VEZT: variants seen among roughly 807,000 people sequenced by gnomAD.
VEZT encodes the protein vezatin, adherens junctions transmembrane protein, also known as vezatin.
VEZT carries 39 observed loss-of-function variants against 79.9 expected under a neutral mutation model. The observed-to-expected ratio is 0.49, with a 90% CI of 0.38 to 0.64. The LOEUF (loss-of-function observed/expected upper bound fraction) is 0.64. Among genes scored for constraint, VEZT ranks in the 30% least tolerant of loss-of-function variants. The probability of loss-of-function intolerance (pLI) is 0.00; values close to 1 mark genes in which losing one functional copy is unlikely to be tolerated. For synonymous variants in VEZT, 325 were observed against 327.6 expected (o/e 0.99, Z 0.09); for missense variants, 837 against 893.1 (o/e 0.94, Z 0.80).
chr12:95,242,520 A>G (rs2061159592), intron 1 of VEZT, among the ~76,000 whole-genome samples: 1 of 152,106 alleles, frequency 6.6e-6, no homozygotes, highest in South Asian at 2.1e-4. Flanking sequence ...TACGGCCTCA[A>G]ACTCCTGGGC....
intron 9 of VEZT, among the ~76,000 whole-genome samples, chr12:95,289,310 G>T (rs975315788): frequency 2.7e-5 from 4 of 148,004 alleles, no homozygotes; most frequent in African/African-American, 9.9e-5. Flanking sequence ...ACAGCTACTC[G>T]GGAGGCTGAG....
chr12:95,282,519 C>T lies in VEZT; in HGVS notation c.1203C>T (p.Tyr401=), dbSNP rs1393881380. 6.2e-7 allele frequency: 1 copy of T among 1,614,004 alleles called. No homozygotes were observed. The highest frequency in any genetic ancestry group is 1.7e-5 in the Admixed American group (1 of 60,026). The stretch of plus-strand genomic sequence containing the variant: ...AGCGCAGCTATGAGTTCTATCGGTA[C>T]TTTGAAACTCAGCACCAGTCAGTAC... The part of the protein sequence containing the change: ...ELKRSYEFYR[Y]FETQHQSVPQ... The change falls in exon 8 of 12, where the codon TAC becomes TAT. Residue 401 remains tyrosine, a synonymous_variant. Transcript: ENST00000436874.
chr12:95,287,792 A>G lies in VEZT; in HGVS notation c.1457A>G (p.Asn486Ser). 3.7e-6 allele frequency: 6 copies of G among 1,608,732 alleles called. No homozygotes were observed. The highest frequency in any genetic ancestry group is 5.1e-6 in the Non-Finnish European group (6 of 1,177,308). ...ATTCAGCCCCACGTTCAAGCAAGCA[A>G]CAATTGCTGGGAAGAGGCCATTTCT... ...KLIQPHVQASNNCWEEAISQV... is the reference protein window; with the variant it reads ...KLIQPHVQASSNCWEEAISQV... The change falls in exon 9 of 12, where the codon AAC becomes AGC. Residue 486 changes from asparagine to serine, a missense_variant. By Grantham distance (46) the Asn-to-Ser change is conservative (BLOSUM62 1). Transcript: ENST00000436874.
intron 4 of VEZT, chr12:95,263,921 C>T (rs1426271984): frequency 1.3e-5 from 2 of 151,658 alleles, no homozygotes; most frequent in Non-Finnish European, 2.9e-5. Context: ...AGCAGAAGTC[C>T]CAAGCAATAA....
Position 95,274,897 on chromosome 12 carries a change from A to G in VEZT, c.996+8A>G, listed in dbSNP as rs1393629004. 2 of 1,611,498 alleles carry G rather than the reference A, an allele frequency of 1.2e-6. No individual in the cohort carries two copies. The highest frequency in any genetic ancestry group is 1.3e-5 in the African/African-American group (1 of 74,912). Reference sequence around the variant, plus strand: ...AGCCTGCCTGCATTGAAGGTAATCCATTTGTGTAAGGGAAGGGCTGAAGAA... The same window carrying G: ...AGCCTGCCTGCATTGAAGGTAATCCGTTTGTGTAAGGGAAGGGCTGAAGAA... On this transcript the variant is annotated splice_region_variant and intron_variant, in intron 7 of 11. Coordinates refer to ENST00000436874, the MANE Select transcript of VEZT (RefSeq NM_017599.4).
intron 3 of VEZT, chr12:95,258,369 C>T (rs1462765383): frequency 4.6e-6 from 2 of 434,306 alleles, no homozygotes; most frequent in African/African-American, 2.0e-5. Context: ...TTCTGTGTCA[C>T]TGGCCACATG....
Position 95,273,240 on chromosome 12 carries a change from G to GA in VEZT, c.849-1493dup, listed in dbSNP as rs202064759. The stretch of plus-strand genomic sequence containing the variant: ...TGTGGATCTCCAAGTTATATTAAGT[G>GA]AAAAAAAAACACAAAGTGCACGGAT... On this transcript the variant is annotated intron_variant, in intron 6 of 11. Coordinates refer to ENST00000436874, the MANE Select transcript of VEZT (RefSeq NM_017599.4). Among the ~76,000 whole-genome samples the GA allele has an allele frequency of 1.6e-3, 236 of 149,560 alleles. 2 individuals carry two copies. Among genetic ancestry groups the GA allele is most frequent in the South Asian group, 5.7e-3 (27 of 4,716 alleles).
At chr12:95,291,226 G>A (rs150323828) in intron 9 of VEZT, among the ~76,000 whole-genome samples, 64 of 152,260 alleles carry the variant, frequency 4.2e-4, no homozygotes, top group Non-Finnish European at 6.5e-4. Context: ...GTGAGACCCT[G>A]TCTCAAAAAT....
intron 1 of VEZT, among the ~76,000 whole-genome samples, chr12:95,218,915 G>A (rs1041796066): frequency 6.6e-6 from 1 of 152,222 alleles, no homozygotes; most frequent in Non-Finnish European, 1.5e-5. Context: ...CCAAGCTTGG[G>A]AAGTGTGAAA....
At chr12:95,233,402 A>G (rs73225646) in intron 1 of VEZT, among the ~76,000 whole-genome samples, 16,585 of 151,544 alleles carry the variant, frequency 0.11, 1,232 homozygotes, top group Admixed American at 0.21. Flanking sequence ...TTTTATTTTT[A>G]TTTTTTATGT....
chr12:95,266,014 G>C (rs971972345), intron 4 of VEZT, among the ~76,000 whole-genome samples: 1 of 152,140 alleles, frequency 6.6e-6, no homozygotes, highest in Non-Finnish European at 1.5e-5. Flanking sequence ...AAATGTAGAG[G>C]CCTTTTGTTG....
chr12:95,242,157 T>C (rs780575116), intron 1 of VEZT: 11 of 152,158 alleles, frequency 7.2e-5, no homozygotes, highest in Non-Finnish European at 1.3e-4. Flanking sequence ...GTATTCTCTT[T>C]CAATAGACAT....
chr12:95,268,835 T>G (rs1271531676), intron 5 of VEZT, among the ~76,000 whole-genome samples: 1 of 152,206 alleles, frequency 6.6e-6, no homozygotes, highest in East Asian at 1.9e-4. Flanking sequence ...ATTTTCAAAA[T>G]TAGACAGTTT....
intron 9 of VEZT, chr12:95,293,839 A>G (rs1566324975): frequency 6.5e-6 from 1 of 154,678 alleles, no homozygotes; most frequent in Non-Finnish European, 1.4e-5. Flanking sequence ...TATAAATACA[A>G]AGTTATTAGA....
chr12:95,218,622 G>T (rs2057085322), intron 1 of VEZT: 1 of 152,170 alleles, frequency 6.6e-6, no homozygotes, highest in Admixed American at 6.5e-5. Context: ...CTGTACGTAT[G>T]TGTATTGCAT....
At chr12:95,226,394 T>A (rs1021664638) in intron 1 of VEZT, among the ~76,000 whole-genome samples, 1 of 119,462 alleles carries the variant, frequency 8.4e-6, no homozygotes, top group African/African-American at 3.5e-5. Context: ...AAAATTTAAC[T>A]GTGATTTTTT....
At chr12:95,240,069 G>GAAAGA (rs148584969) in intron 1 of VEZT, among the ~76,000 whole-genome samples, 1 of 64,940 alleles carries the variant, frequency 1.5e-5, no homozygotes, top group Non-Finnish European at 4.1e-5. Context: ...AGGAAGGAAG[G>GAAAGA]AAGGAAGAAA....
At chr12:95,298,009 G>T (rs2074519979) in intron 11 of VEZT, among the ~76,000 whole-genome samples, 1 of 151,910 alleles carries the variant, frequency 6.6e-6, no homozygotes. Context: ...AATCCCAGCT[G>T]CTCTGGAGGC....
chr12:95,275,901 A>G (rs1484097392), intron 7 of VEZT: 2 of 149,318 alleles, frequency 1.3e-5, no homozygotes, highest in Non-Finnish European at 3.0e-5. Context: ...AAGAAATACA[A>G]ATGGCCAATA....
Sources: gnomAD v4.1 joint callset for allele counts (sites outside exome capture counted in the v4.1 genomes callset) on GRCh38, gnomAD v4.1.1 for gene constraint, MANE v1.5 for transcripts, NCBI Gene and HGNC (gene_info 2026-07-23, HGNC 2026-07-21) for gene names.